The following LMNA variants were observed in gnomAD, a reference collection of about 807,000 sequenced individuals.
The protein encoded by LMNA is lamin A/C.
LMNA carries 20 observed loss-of-function variants against 70.4 expected under a neutral mutation model. The ratio of observed to expected loss-of-function variants is 0.28; its 90% confidence interval spans 0.20 to 0.41. LMNA has a LOEUF of 0.41. LMNA is among the 10% of genes least tolerant of loss of function. The pLI, the probability that LMNA is intolerant of heterozygous loss-of-function variation, is 1.00. For synonymous variants in LMNA, 339 were observed against 372.8 expected (o/e 0.91, Z 1.04); for missense variants, 652 against 917.2 (o/e 0.71, Z 3.73).
Position 156,135,480 on chromosome 1 carries a change from G to A in LMNA, c.936+168G>A. ...AGGGTCGCAGGATGTGGAGTCAGAT[G>A]GCCTGTGTGCTGTTTCTGTACACTC... On this transcript the variant is annotated intron_variant, in intron 5 of 11. Coordinates refer to ENST00000368300, the MANE Select transcript of LMNA (RefSeq NM_170707.4). This position sits in a 1 kb window ranked among gnomAD's most constrained non-coding sequence, Gnocchi z 4.8. 1 of 852,270 alleles carries A rather than the reference G, an allele frequency of 1.2e-6. No individual in the cohort carries two copies. Among genetic ancestry groups the A allele is most frequent in the Non-Finnish European group, 1.9e-6 (1 of 533,070 alleles). 52.8% of individuals were successfully genotyped at this position (852,270 alleles called of 1,614,324 possible). A position where few individuals can be genotyped will look rare whatever the true frequency, so the allele number is the denominator to read the frequency against.
rs59885338 is a variant in LMNA at position 156,135,268 on chromosome 1, C to T, written c.892C>T (p.Arg298Cys). 68 of 1,613,516 alleles carry T rather than the reference C, an allele frequency of 4.2e-5. No individual in the cohort carries two copies. The highest frequency in any genetic ancestry group is 5.2e-5 in the Non-Finnish European group (61 of 1,180,030). ...AHEELQQSRI[R>C]IDSLSAQLSQ... Reference sequence around the variant, plus strand: ...CGAGGAGCTGCAGCAGTCGCGCATCCGCATCGACAGCCTCTCTGCCCAGCT... The same window carrying T: ...CGAGGAGCTGCAGCAGTCGCGCATCTGCATCGACAGCCTCTCTGCCCAGCT... Residue 298 changes from arginine (R) to cysteine (C), a missense_variant, in exon 5 of 12, where the codon CGC becomes TGC. Coordinates refer to ENST00000368300, the MANE Select transcript of LMNA (RefSeq NM_170707.4). The surrounding 1 kb of genome is among the most constrained non-coding windows in gnomAD (Gnocchi z 4.8).
At chr1:156,097,175 T>C (rs6700693) in intron 3 of LMNA, among the ~76,000 whole-genome samples, 46,895 of 151,698 alleles carry the variant, frequency 0.31, 9,732 homozygotes, top group East Asian at 0.72. Context: ...AATCAATCAG[T>C]GAGAGAGGAA....
intron 1 of LMNA, chr1:156,126,968 T>G: frequency 6.7e-7 from 1 of 1,489,446 alleles, no homozygotes; most frequent in Non-Finnish European, 9.0e-7. Flanking sequence ...TGCCTGAGCA[T>G]GAGTCACCTG....
intron 2 of LMNA, among the ~76,000 whole-genome samples, chr1:156,089,931 C>T (rs1648631206): frequency 2.0e-5 from 3 of 152,030 alleles, no homozygotes; most frequent in South Asian, 4.1e-4. Context: ...GCGGGTGATA[C>T]TGGAGCTGTG....
At chr1:156,083,771 C>A (rs773782081) in intron 2 of LMNA, among the ~76,000 whole-genome samples, 1 of 152,092 alleles carries the variant, frequency 6.6e-6, no homozygotes, top group African/African-American at 2.4e-5. Flanking sequence ...GAGTGAGACT[C>A]CGTCCCCCCC....
chr1:156,093,299 ATTTTT>A (rs758670532), intron 3 of LMNA, among the ~76,000 whole-genome samples: 3 of 113,946 alleles, frequency 2.6e-5, no homozygotes, highest in African/African-American at 1.2e-4. Context: ...TTATATGTCA[ATTTTT>A]TTTTTTTTTT....
At position 156,114,989 on chromosome 1, in the gene LMNA, C is replaced by T. The variant is rs1195524446; in HGVS notation, c.71C>T (p.Thr24Ile). ...AQASSTPLSP[T>I]RITRLQEKED... ...GCCAGCTCCACTCCGCTGTCGCCCA[C>T]CCGCATCACCCGGCTGCAGGAGAAG... The change falls in exon 1 of 12, where the codon ACC (threonine) becomes ATC (isoleucine). Residue 24 changes from threonine (T) to isoleucine (I), a missense_variant. By Grantham distance (89) the Thr-to-Ile change is moderately conservative. Around this residue, in one of 4 missense-constraint regions of LMNA, gnomAD observed 254 missense variants for 421.9 expected, o/e 0.60. Transcript: ENST00000368300. 6 of 1,597,992 alleles carry T rather than the reference C, an allele frequency of 3.8e-6. No individual in the cohort carries two copies. Among genetic ancestry groups the T allele is most frequent in the South Asian group, 1.1e-5 (1 of 88,390 alleles).
chr1:156,110,809 C>G (rs1175178957), upstream of LMNA, among the ~76,000 whole-genome samples: 1 of 151,982 alleles, frequency 6.6e-6, no homozygotes, highest in Non-Finnish European at 1.5e-5. Flanking sequence ...AACCCTGTGT[C>G]TACTAAAAAT....
At position 156,138,930 on chromosome 1, in the gene LMNA, C is replaced by T. The variant is rs2102903190; in HGVS notation, c.1969-150C>T. The T allele has an allele frequency of 8.0e-7, 1 of 1,249,802 alleles. No homozygotes were observed. The highest frequency in any genetic ancestry group is 1.2e-6 in the Non-Finnish European group (1 of 861,762). 77.4% of individuals were successfully genotyped at this position (1,249,802 alleles called of 1,614,324 possible). On this transcript the variant is annotated intron_variant, in intron 11 of 11. Coordinates refer to ENST00000368300, the MANE Select transcript of LMNA (RefSeq NM_170707.4). The surrounding 1 kb of genome is among the most constrained non-coding windows in gnomAD (Gnocchi z 5.5). ...AGACAGCCCACCTCTGCATCCTGCC[C>T]CTCTTGTCTGAGCCCCAGACTGGAG...
At chr1:156,090,099 T>G (rs750705648) in intron 2 of LMNA, among the ~76,000 whole-genome samples, 11 of 152,158 alleles carry the variant, frequency 7.2e-5, no homozygotes, top group Admixed American at 3.9e-4. Context: ...TTGTTGAGGA[T>G]TTTCTAATTG....
At chr1:156,128,697 T>G (rs1196692418) in intron 1 of LMNA, among the ~76,000 whole-genome samples, 2 of 152,248 alleles carry the variant, frequency 1.3e-5, no homozygotes, top group Non-Finnish European at 2.9e-5. Flanking sequence ...TAATTGACAC[T>G]GGGCCATTCA....
At chr1:156,102,336 C>G (rs1001961093) in intron 3 of LMNA, among the ~76,000 whole-genome samples, 1 of 152,138 alleles carries the variant, frequency 6.6e-6, no homozygotes, top group Non-Finnish European at 1.5e-5. Flanking sequence ...TTCTCTGGGC[C>G]TGGGGTACAG....
chr1:156,104,975 G>T (rs1181597351), intron 3 of LMNA, among the ~76,000 whole-genome samples: 2 of 152,186 alleles, frequency 1.3e-5, no homozygotes, highest in African/African-American at 4.8e-5. Context: ...CTCCTCCCTG[G>T]GTAGCCTGAG....
rs1651657539 is a variant in LMNA at position 156,136,565 on chromosome 1, TC to T, written c.1380+131del. ...GTGGACCAGGGTGAGCCTGTATATC[TC>T]CTCCACACTCTGGTTCCAGGCCTGG... On this transcript the variant is annotated intron_variant, in intron 7 of 11. Transcript: ENST00000368300. This position sits in a 1 kb window ranked among gnomAD's most constrained non-coding sequence, Gnocchi z 6.1. The T allele has an allele frequency of 6.2e-6, 6 of 961,954 alleles. No individual in the cohort carries two copies. Among genetic ancestry groups the T allele is most frequent in the Non-Finnish European group, 9.6e-6 (6 of 624,304 alleles). 59.6% of individuals were successfully genotyped at this position (961,954 alleles called of 1,614,324 possible). A position where few individuals can be genotyped will look rare whatever the true frequency, so the allele number is the denominator to read the frequency against.
At chr1:156,092,809 C>T (rs1291900934) in intron 3 of LMNA, among the ~76,000 whole-genome samples, 1 of 152,002 alleles carries the variant, frequency 6.6e-6, no homozygotes, top group Non-Finnish European at 1.5e-5. Context: ...CTCCTGCCCA[C>T]CTCTCCAGCC....
intron 2 of LMNA, among the ~76,000 whole-genome samples, chr1:156,088,415 A>C (rs1355308776): frequency 6.6e-6 from 1 of 152,182 alleles, no homozygotes; most frequent in African/African-American, 2.4e-5. Flanking sequence ...GCCACACAAA[A>C]GAAATGTGAG....
intron 1 of LMNA, among the ~76,000 whole-genome samples, chr1:156,129,533 G>A (rs1015749683): frequency 2.6e-5 from 4 of 152,144 alleles, no homozygotes; most frequent in Non-Finnish European, 5.9e-5. Flanking sequence ...TCCATCTGCT[G>A]TGGTGGGCTC....
chr1:156,095,559 G>A (rs1277036893), intron 3 of LMNA, among the ~76,000 whole-genome samples: 1 of 151,060 alleles, frequency 6.6e-6, no homozygotes, highest in African/African-American at 2.4e-5. Context: ...GTTTCACCAG[G>A]TTGGGCAGGC....
chr1:156,099,517 G>A (rs1649063059), intron 3 of LMNA, among the ~76,000 whole-genome samples: 1 of 152,118 alleles, frequency 6.6e-6, no homozygotes, highest in African/African-American at 2.4e-5. Context: ...CATGAGGCTG[G>A]GGCAGGAGGA....
Sources: allele counts gnomAD v4.1 joint callset (sites outside exome capture counted in the v4.1 genomes callset), GRCh38; gene constraint gnomAD v4.1.1; regional missense constraint gnomAD v4.1.1; non-coding constraint Gnocchi (gnomAD v3.1); transcripts MANE v1.5; gene names NCBI Gene and HGNC (gene_info 2026-07-23, HGNC 2026-07-21).